Variants in CPD observed in about 807,000 individuals in gnomAD.
CPD encodes carboxypeptidase D.
In CPD, 69 loss-of-function variants were observed where a neutral mutation model predicts 138.3. The ratio of observed to expected loss-of-function variants is 0.50; its 90% CI spans 0.41 to 0.61. The LOEUF is 0.61. CPD is among the 20% of genes least tolerant of loss of function. The pLI is 0.00. For synonymous variants in CPD, 651 were observed against 642.1 expected (o/e 1.01, Z -0.21); for missense variants, 1,432 against 1,733.3 (o/e 0.83, Z 3.09).
chr17:30,462,359 T>C lies in CPD; in HGVS notation c.3817-11T>C, dbSNP rs1480011964. On this transcript the variant is annotated splice_polypyrimidine_tract_variant and intron_variant, in intron 19 of 20. Transcript: ENST00000225719. The stretch of plus-strand genomic sequence containing the variant: ...AGAATTTGTCATGATTCTTACACTT[T>C]CTCCTTCTAGGTCTTTGTGCATCAT... 8 of 1,605,454 alleles carry C rather than the reference T, an allele frequency of 5.0e-6. No homozygotes were observed. Among genetic ancestry groups the C allele is most frequent in the Admixed American group, 1.7e-5 (1 of 59,812 alleles).
chr17:30,381,030 T>G (rs1911027825), intron 1 of CPD, among the ~76,000 whole-genome samples: 2 of 152,254 alleles, frequency 1.3e-5, no homozygotes, highest in Admixed American at 6.5e-5. Flanking sequence ...ATAGAAGATC[T>G]AGAAAATTCT....
chr17:30,393,066 T>C (rs767905761), intron 2 of CPD, among the ~76,000 whole-genome samples: 63 of 152,246 alleles, frequency 4.1e-4, no homozygotes, highest in Non-Finnish European at 8.1e-4. Flanking sequence ...AATAAACTGT[T>C]CTTTGGATTT....
chr17:30,383,943 T>C (rs1185491818), intron 1 of CPD, among the ~76,000 whole-genome samples: 2 of 152,220 alleles, frequency 1.3e-5, no homozygotes, highest in African/African-American at 4.8e-5. Context: ...TTTTTGCCTT[T>C]AGGTTTTAGC....
rs1912442659 is a variant in CPD at position 30,427,315 on chromosome 17, T to C, written c.1850-76T>C. The C allele has an allele frequency of 4.5e-6, 6 of 1,326,532 alleles. No homozygotes were observed. The Admixed American group carries it at 8.9e-5, about 20-fold the overall frequency. The allele number at this position is 1,326,532 out of a possible 1,614,324, so 82.2% of individuals were successfully genotyped here. A position where few individuals can be genotyped will look rare whatever the true frequency, so the allele number is the denominator to read the frequency against. On this transcript the variant is annotated intron_variant, in intron 6 of 20. Transcript: ENST00000225719. ...TGTTCACATTTGCCTTGAGTTAAGG[T>C]ATCTAAAGTAGTACGTGTTGGAATA...
intron 17 of CPD, among the ~76,000 whole-genome samples, chr17:30,459,982 G>C (rs543013116): frequency 1.3e-5 from 2 of 152,086 alleles, no homozygotes; most frequent in Non-Finnish European, 2.9e-5. Flanking sequence ...TGCTATATTA[G>C]TGATAAATAA....
rs1911151085 is a variant in CPD, at chr17:30,385,221, T to C, written c.979T>C (p.Trp327Arg). Residue 327 changes from tryptophan to arginine, a missense_variant, in exon 2 of 21, where the codon TGG becomes CGG. This residue lies in a region of CPD where 484 missense variants were observed against 477.2 expected (regional missense o/e 1.01). Coordinates refer to ENST00000225719, the MANE Select transcript of CPD (RefSeq NM_001304.5). Reference sequence around the variant, plus strand: ...AGATGGAATCACAAACGGCGCACATTGGTATGATGTGGAAGGTATGCAAAG... The same window carrying C: ...AGATGGAATCACAAACGGCGCACATCGGTATGATGTGGAAGGTATGCAAAG... Reference protein sequence around the residue: ...FKDGITNGAHWYDVEGGMQDY... With the variant: ...FKDGITNGAHRYDVEGGMQDY... 1 of 1,613,924 alleles carries C rather than the reference T, an allele frequency of 6.2e-7. No individual in the cohort carries two copies. Among genetic ancestry groups the C allele is most frequent in the Admixed American group, 1.7e-5 (1 of 60,000 alleles).
At chr17:30,420,731 AAAG>A in intron 2 of CPD, 107 bp from the exon 3 acceptor site, 2 of 1,012,798 alleles carry the variant, frequency 2.0e-6, no homozygotes, top group Non-Finnish European at 2.8e-6. Context: ...AATTTAATGA[AAAG>A]AAAAGAAAAT....
chr17:30,463,074 A>G (rs770650395), intron 20 of CPD, among the ~76,000 whole-genome samples: 18 of 152,198 alleles, frequency 1.2e-4, no homozygotes, highest in African/African-American at 3.6e-4. Flanking sequence ...CATGGCCATC[A>G]TGAACATGTC....
rs114069118 is a variant in CPD at position 30,425,731 on chromosome 17, A to G, written c.1850-1660A>G. Among the ~76,000 whole-genome samples, 179 of 152,018 alleles carry G rather than the reference A, an allele frequency of 1.2e-3. 2 individuals carry two copies. Among genetic ancestry groups the G allele is most frequent in the African/African-American group, 4.0e-3 (165 of 41,472 alleles). On this transcript the variant is annotated intron_variant, in intron 6 of 20. Transcript: ENST00000225719. ...CTCAACATTGTGATAATGTCATTAT[A>G]TGTGGATTATTGACACTTAAACAGT...
At chr17:30,413,235 G>T (rs908875526) in intron 2 of CPD, among the ~76,000 whole-genome samples, 1 of 152,162 alleles carries the variant, frequency 6.6e-6, no homozygotes, top group South Asian at 2.1e-4. Flanking sequence ...GTGTGTTTAC[G>T]TGTATATGTA....
chr17:30,407,314 C>T (rs1911826731), intron 2 of CPD, among the ~76,000 whole-genome samples: 1 of 152,118 alleles, frequency 6.6e-6, no homozygotes, highest in South Asian at 2.1e-4. Flanking sequence ...GATTTATAAT[C>T]CTTTGGGTAT....
rs781685583 is a variant in CPD at position 30,427,485 on chromosome 17, G to C, written c.1944G>C (p.Thr648=). ...PDQFVQITDP[T]QPETIAVMSW... is the part of the protein sequence containing the mutation. ...AGTTTGTTCAGATCACAGATCCTAC[G>C]CAACCAGAAACTATTGCTGTAATGA... Residue 648 remains threonine, a synonymous_variant, in exon 7 of 21, where the codon ACG becomes ACC. Coordinates refer to ENST00000225719, the MANE Select transcript of CPD (RefSeq NM_001304.5). The C allele has an allele frequency of 1.9e-6, 3 of 1,614,090 alleles. No homozygotes were observed. The highest frequency in any genetic ancestry group is 1.7e-5 in the Admixed American group (1 of 60,024).
At chr17:30,421,539 A>G (rs1328483296) in intron 3 of CPD, 125 bp from the exon 4 acceptor site, 5 of 770,262 alleles carry the variant, frequency 6.5e-6, no homozygotes, top group Non-Finnish European at 1.1e-5. Context: ...AGGGATTGAA[A>G]ATGTTTTGGG....
At position 30,469,912 on chromosome 17, in the gene CPD, T is replaced by C. The variant is rs1913739011; in HGVS notation, c.*5098T>C. The C allele has an allele frequency of 6.6e-6, 1 of 152,170 alleles. No homozygotes were observed. Among genetic ancestry groups the C allele is most frequent in the African/African-American group, 2.4e-5 (1 of 41,456 alleles). The allele number at this position is 152,170 out of a possible 1,614,324, so 9.4% of individuals were successfully genotyped here. On this transcript the variant is annotated 3_prime_UTR_variant, in exon 21 of 21. Transcript: ENST00000225719. Reference sequence around the variant, plus strand: ...TTTTGGTTTGTTTCATAAACAGTAATCTAGTTATTATGTTCAGCTTTTCAG... The same window carrying C: ...TTTTGGTTTGTTTCATAAACAGTAACCTAGTTATTATGTTCAGCTTTTCAG...
In CPD at chr17:30,465,123, TA is replaced by T. The variant is rs1913601486; in HGVS notation, c.*310del. On this transcript the variant is annotated 3_prime_UTR_variant, in exon 21 of 21. Transcript: ENST00000225719. ...GCATAAAGCCAACTAGAGGATGTTG[TA>T]TTTTGCACATCAGATGTTTACTAGT... 2 of 290,416 alleles carry T rather than the reference TA, an allele frequency of 6.9e-6. No homozygotes were observed. Among genetic ancestry groups the T allele is most frequent in the South Asian group, 9.0e-5 (2 of 22,202 alleles). 18.0% of individuals were successfully genotyped at this position (290,416 alleles called of 1,614,324 possible). A position where few individuals can be genotyped will look rare whatever the true frequency, so the allele number is the denominator to read the frequency against.
chr17:30,456,326 T>G lies in CPD; in HGVS notation c.3408T>G (p.Gly1136=), dbSNP rs1913292461. Residue 1136 remains glycine, a synonymous_variant, in exon 16 of 21, where the codon GGT becomes GGG. Transcript: ENST00000225719. ...YANNHPSMHM[G]QPSCPNKSDE... Reference sequence around the variant, plus strand: ...ATAATCATCCATCCATGCACATGGGTCAGCCCAGTTGCCCAAATAAATCAG... The same window carrying G: ...ATAATCATCCATCCATGCACATGGGGCAGCCCAGTTGCCCAAATAAATCAG... 8.7e-6 allele frequency: 14 copies of G among 1,614,068 alleles called. No individual in the cohort carries two copies. The highest frequency in any genetic ancestry group is 1.3e-5 in the African/African-American group (1 of 74,936).
intron 7 of CPD, among the ~76,000 whole-genome samples, chr17:30,429,445 T>G (rs1027378791): frequency 5.3e-5 from 8 of 152,244 alleles, no homozygotes; most frequent in Non-Finnish European, 1.0e-4. Flanking sequence ...TTTCTCATCT[T>G]AAAATCCTTA....
At chr17:30,419,503 C>T (rs543750790) in intron 2 of CPD, among the ~76,000 whole-genome samples, 1 of 152,220 alleles carries the variant, frequency 6.6e-6, no homozygotes, top group African/African-American at 2.4e-5. Context: ...CCACACCCAG[C>T]TAATTTTTTG....
In CPD at chr17:30,400,652, CTTT is replaced by C. The variant is rs34301387; in HGVS notation, c.994+15438_994+15440del. Among the ~76,000 whole-genome samples the C allele has an allele frequency of 8.7e-5, 5 of 57,588 alleles. No individual in the cohort carries two copies. The East Asian group carries it at 2.9e-3, about 34-fold the overall frequency. 37.8% of individuals were successfully genotyped at this position (57,588 alleles called of 152,430 possible). On this transcript the variant is annotated intron_variant, in intron 2 of 20. Coordinates refer to ENST00000225719, the MANE Select transcript of CPD (RefSeq NM_001304.5). Reference sequence around the variant, plus strand: ...TGAGAATGTGTATTTTGCCATCATTCTTTTTTTTTTTTTTTTTTTTTTTTGAGA... The same window carrying C: ...TGAGAATGTGTATTTTGCCATCATTCTTTTTTTTTTTTTTTTTTTTTGAGA...
Sources: gnomAD v4.1 joint callset for allele counts (sites outside exome capture counted in the v4.1 genomes callset) on GRCh38, gnomAD v4.1.1 for gene constraint, gnomAD v4.1.1 regional missense constraint, MANE v1.5 for transcripts, NCBI Gene and HGNC (gene_info 2026-07-23, HGNC 2026-07-21) for gene names.